The following NTN4 variants were observed in gnomAD, a reference collection of about 807,000 sequenced individuals.
The protein encoded by NTN4 is netrin-4.
In NTN4, 32 loss-of-function variants were observed where a neutral mutation model predicts 73.6. The observed-to-expected ratio is 0.44, with a 90% CI of 0.33 to 0.58. The LOEUF (loss-of-function observed/expected upper bound fraction) is 0.58, where lower values mean the gene tolerates loss of function less well. Ranked by LOEUF, NTN4 falls within the 20% of genes least tolerant of loss-of-function variation. The pLI is 0.04. For synonymous variants in NTN4, 258 were observed against 287.5 expected (o/e 0.90, Z 1.04); for missense variants, 654 against 798.3 (o/e 0.82, Z 2.18).
intron 7 of NTN4, among the ~76,000 whole-genome samples, chr12:95,677,446 AC>A (rs1025764768): frequency 6.6e-6 from 1 of 152,096 alleles, no homozygotes; most frequent in Non-Finnish European, 1.5e-5. Flanking sequence ...TAGAAAAAAA[AC>A]GTAGTGGGTA....
At chr12:95,752,191 TTA>T (rs1289235929) in intron 2 of NTN4, among the ~76,000 whole-genome samples, 5 of 151,798 alleles carry the variant, frequency 3.3e-5, no homozygotes, top group Non-Finnish European at 7.4e-5. Context: ...TTAAAGCCTG[TTA>T]TCACTCGCCT....
At chr12:95,675,897 C>A (rs537354636) in intron 7 of NTN4, among the ~76,000 whole-genome samples, 1 of 152,076 alleles carries the variant, frequency 6.6e-6, no homozygotes, top group African/African-American at 2.4e-5. Context: ...AAACCAACCA[C>A]GTACACAAAA....
chr12:95,741,719 A>G (rs904097958), intron 2 of NTN4, among the ~76,000 whole-genome samples: 18 of 151,176 alleles, frequency 1.2e-4, no homozygotes, highest in African/African-American at 4.4e-4. Context: ...TAGAACAACG[A>G]AAAATAAAAC....
intron 2 of NTN4, among the ~76,000 whole-genome samples, chr12:95,739,267 C>T (rs562151249): frequency 2.6e-5 from 4 of 152,246 alleles, no homozygotes; most frequent in Admixed American, 6.5e-5. Context: ...CTGAATTTCA[C>T]GTTAAACACC....
intron 2 of NTN4, among the ~76,000 whole-genome samples, chr12:95,747,312 C>T (rs1192458061): frequency 2.0e-5 from 3 of 151,980 alleles, no homozygotes; most frequent in African/African-American, 4.8e-5. Context: ...TTATTATGAT[C>T]GCCTATATAT....
At chr12:95,737,248 C>A (rs2078784964) in intron 3 of NTN4, among the ~76,000 whole-genome samples, 1 of 152,078 alleles carries the variant, frequency 6.6e-6, no homozygotes, top group Non-Finnish European at 1.5e-5. Context: ...TACTTCTGGC[C>A]CAGGTAATAC....
chr12:95,757,158 G>A (rs975726546), intron 2 of NTN4, among the ~76,000 whole-genome samples: 4 of 152,090 alleles, frequency 2.6e-5, no homozygotes, highest in Admixed American at 2.0e-4. Context: ...TGGCATATAT[G>A]AGTTAACACA....
At chr12:95,684,306 C>T (rs116031116) in intron 5 of NTN4, among the ~76,000 whole-genome samples, 1,564 of 146,952 alleles carry the variant, frequency 0.011, 31 homozygotes, top group African/African-American at 0.037. Flanking sequence ...AGGAGCTTTG[C>T]TTTTTTTTTT....
Position 95,687,704 on chromosome 12 carries a change from A to AAACAGTTTCT in NTN4, c.1181-4003_1181-3994dup, listed in dbSNP as rs372419886. ...ATGTGAGCCACCACGCCCAGCCACT[A>AAACAGTTTCT]AACAGTTTCTTAAAATAATTATTTG... On this transcript the variant is annotated intron_variant, in intron 5 of 9. Coordinates refer to ENST00000343702, the MANE Select transcript of NTN4 (RefSeq NM_021229.4). 4.1e-3 allele frequency among the ~76,000 whole-genome samples: 625 copies of AAACAGTTTCT among 152,152 alleles called. 4 individuals are homozygous for AAACAGTTTCT. Among genetic ancestry groups the AAACAGTTTCT allele is most frequent in the African/African-American group, 0.014 (577 of 41,526 alleles).
At chr12:95,669,999 C>T in intron 8 of NTN4, 79 bp downstream of exon 8, 1 of 737,710 alleles carries the variant, frequency 1.4e-6, no homozygotes, top group Non-Finnish European at 2.3e-6. Context: ...TGTCATCAGT[C>T]AGGCCTCCCA....
intron 8 of NTN4, among the ~76,000 whole-genome samples, chr12:95,668,759 G>A (rs2078202731): frequency 3.3e-5 from 5 of 152,238 alleles, no homozygotes; most frequent in Admixed American, 2.0e-4. Flanking sequence ...GGAGGCCGAG[G>A]CAGGCAGATC....
chr12:95,759,673 G>C (rs2078972475), intron 2 of NTN4, among the ~76,000 whole-genome samples: 1 of 151,954 alleles, frequency 6.6e-6, no homozygotes, highest in South Asian at 2.1e-4. Context: ...TGTTGGCCAG[G>C]CTGGTCTGGA....
chr12:95,761,814 T>C (rs536359568), intron 2 of NTN4, among the ~76,000 whole-genome samples: 2 of 152,286 alleles, frequency 1.3e-5, no homozygotes, highest in East Asian at 1.9e-4. Context: ...TATTAACACA[T>C]AGTTTTTTTC....
intron 2 of NTN4, among the ~76,000 whole-genome samples, chr12:95,739,403 C>T (rs1030872218): frequency 3.5e-4 from 54 of 152,180 alleles, no homozygotes; most frequent in Admixed American, 3.2e-3. Flanking sequence ...CATTTATCCA[C>T]ATGCAAAGTG....
intron 5 of NTN4, among the ~76,000 whole-genome samples, chr12:95,689,335 C>A (rs946787560): frequency 8.5e-5 from 13 of 152,186 alleles, no homozygotes; most frequent in African/African-American, 3.1e-4. Flanking sequence ...AGAGGCCTAG[C>A]CTACTTTTCC....
At chr12:95,687,707 C>T (rs1367212248) in intron 5 of NTN4, among the ~76,000 whole-genome samples, 7 of 152,094 alleles carry the variant, frequency 4.6e-5, no homozygotes, top group African/African-American at 1.2e-4. Flanking sequence ...AGCCACTAAA[C>T]AGTTTCTTAA....
chr12:95,708,252 G>A (rs994279797), intron 5 of NTN4, among the ~76,000 whole-genome samples: 6 of 145,200 alleles, frequency 4.1e-5, no homozygotes, highest in South Asian at 4.3e-4. Context: ...TTTCTTTATT[G>A]TTATTTTATT....
At chr12:95,668,459 C>G (rs965197276) in intron 8 of NTN4, among the ~76,000 whole-genome samples, 1 of 123,274 alleles carries the variant, frequency 8.1e-6, no homozygotes, top group Non-Finnish European at 1.7e-5. Flanking sequence ...CTTTATTGAG[C>G]GCTGTACATT....
intron 7 of NTN4, 49 bp downstream of exon 7, chr12:95,682,658 T>C (rs2078327176): frequency 1.5e-6 from 2 of 1,297,824 alleles, no homozygotes; most frequent in Non-Finnish European, 2.2e-6. Context: ...GTATCACTGT[T>C]ACATAAGACC....
Sources: gnomAD v4.1 joint callset for allele counts (sites outside exome capture counted in the v4.1 genomes callset) on GRCh38, gnomAD v4.1.1 for gene constraint, MANE v1.5 for transcripts, NCBI Gene and HGNC (gene_info 2026-07-23, HGNC 2026-07-21) for gene names.